Variants in CFAP299 observed in about 807,000 individuals in gnomAD.
CFAP299 encodes the protein cilia and flagella associated protein 299, also known as cilia- and flagella-associated protein 299.
Under a neutral mutation model 27.0 loss-of-function variants are expected in CFAP299, and 21 were observed. The observed-to-expected ratio is 0.78, with a 90% CI of 0.55 to 1.12. The LOEUF is 1.12. Among genes scored for constraint, CFAP299 ranks in the 50% most tolerant of loss-of-function variants. The pLI is 0.00. For missense variants in CFAP299, 310 were observed against 276.6 expected, an observed-to-expected ratio of 1.12 and a Z score of -0.86; for synonymous variants, 104 against 98.1, an observed-to-expected ratio of 1.06 and a Z score of -0.36.
intron 3 of CFAP299, among the ~76,000 whole-genome samples, chr4:80,603,275 A>T (rs1309637385): frequency 6.6e-6 from 1 of 152,210 alleles, no homozygotes; most frequent in Non-Finnish European, 1.5e-5. Flanking sequence ...CAGAAGGATG[A>T]ATGGATGTGA....
chr4:80,841,085 A>G (rs1730838593), intron 3 of CFAP299, among the ~76,000 whole-genome samples: 1 of 152,174 alleles, frequency 6.6e-6, no homozygotes, highest in Non-Finnish European at 1.5e-5. Context: ...CATTAAAGGT[A>G]GAAATAATCT....
At chr4:80,409,211 T>C (rs910365458) in intron 2 of CFAP299, among the ~76,000 whole-genome samples, 3 of 152,110 alleles carry the variant, frequency 2.0e-5, no homozygotes, top group Admixed American at 6.5e-5. Flanking sequence ...GTTCCAAATA[T>C]TATTATTTAT....
intron 2 of CFAP299, among the ~76,000 whole-genome samples, chr4:80,471,583 T>TG (rs540270360): frequency 4.6e-5 from 1 of 21,722 alleles, no homozygotes; most frequent in African/African-American, 2.3e-4. Context: ...GGGGTGGGGG[T>TG]GGGGGGGAGC....
chr4:80,447,144 T>G (rs1440229645), intron 2 of CFAP299, among the ~76,000 whole-genome samples: 23 of 136,828 alleles, frequency 1.7e-4, no homozygotes, highest in South Asian at 1.0e-3. Flanking sequence ...TTTTTTTTTT[T>G]TTTTTTTTTG....
intron 3 of CFAP299, among the ~76,000 whole-genome samples, chr4:80,710,483 C>CTTTTTCT (rs1722081747): frequency 1.1e-5 from 1 of 95,068 alleles, no homozygotes; most frequent in Non-Finnish European, 2.2e-5. Context: ...TTTTCTTTTT[C>CTTTTTCT]TTTTTTTTTT....
chr4:80,640,406 T>A (rs929289016), intron 3 of CFAP299, among the ~76,000 whole-genome samples: 2 of 152,188 alleles, frequency 1.3e-5, no homozygotes, highest in African/African-American at 4.8e-5. Flanking sequence ...TTCCTCTTAA[T>A]AAGCCACCTG....
intron 1 of CFAP299, among the ~76,000 whole-genome samples, chr4:80,356,777 G>A (rs1560527685): frequency 6.6e-6 from 1 of 152,030 alleles, no homozygotes; most frequent in Non-Finnish European, 1.5e-5. Flanking sequence ...CATATAATCT[G>A]CAAATAAAGA....
intron 3 of CFAP299, among the ~76,000 whole-genome samples, chr4:80,714,313 A>G (rs1202875774): frequency 6.6e-6 from 1 of 152,126 alleles, no homozygotes; most frequent in East Asian, 1.9e-4. Flanking sequence ...AAACAGTCAT[A>G]TGAGATGATG....
chr4:80,562,109 G>A (rs905000247), intron 2 of CFAP299, among the ~76,000 whole-genome samples: 5 of 151,968 alleles, frequency 3.3e-5, no homozygotes, highest in African/African-American at 7.2e-5. Context: ...GTATTTGCAA[G>A]CCTCATAGTA....
At chr4:80,800,388 A>G (rs1397586168) in intron 3 of CFAP299, among the ~76,000 whole-genome samples, 1 of 58,772 alleles carries the variant, frequency 1.7e-5, no homozygotes, top group Non-Finnish European at 2.6e-5. Context: ...AATATATAAT[A>G]TATTAATATA....
chr4:80,447,119 GTTTTTTTTTTGTTTTTTTT>G (rs1443392149), intron 2 of CFAP299, among the ~76,000 whole-genome samples: 1 of 65,508 alleles, frequency 1.5e-5, no homozygotes. Flanking sequence ...CTTTTTATTT[GTTTTTTTTTTGTTTTTTTT>G]TTTTTTTTTT....
intron 3 of CFAP299, among the ~76,000 whole-genome samples, chr4:80,636,166 G>T (rs1739458259): frequency 6.6e-6 from 1 of 152,080 alleles, no homozygotes; most frequent in Non-Finnish European, 1.5e-5. Context: ...TCCTTCTTTA[G>T]AAGTACAGAC....
chr4:80,958,497 A>G (rs981516923), intron 5 of CFAP299, among the ~76,000 whole-genome samples: 1 of 152,122 alleles, frequency 6.6e-6, no homozygotes, highest in Non-Finnish European at 1.5e-5. Context: ...ATCACATGTC[A>G]TTTTCAAATG....
At chr4:80,423,415 G>C (rs1193274548) in intron 2 of CFAP299, among the ~76,000 whole-genome samples, 2 of 152,186 alleles carry the variant, frequency 1.3e-5, no homozygotes, top group Admixed American at 6.5e-5. Flanking sequence ...AAAAATATAA[G>C]ATGTCCAGCT....
At chr4:80,649,487 A>G (rs1259134751) in intron 3 of CFAP299, among the ~76,000 whole-genome samples, 1 of 152,158 alleles carries the variant, frequency 6.6e-6, no homozygotes, top group Non-Finnish European at 1.5e-5. Flanking sequence ...GCAATGCAAA[A>G]TAACTCATGA....
chr4:80,665,177 A>G (rs1234748832), intron 3 of CFAP299, among the ~76,000 whole-genome samples: 2 of 152,160 alleles, frequency 1.3e-5, no homozygotes, highest in African/African-American at 2.4e-5. Context: ...CTATTTGGCC[A>G]TCTTGCCAGC....
intron 3 of CFAP299, among the ~76,000 whole-genome samples, chr4:80,656,341 C>T (rs1740552738): frequency 6.6e-6 from 1 of 152,060 alleles, no homozygotes; most frequent in African/African-American, 2.4e-5. Flanking sequence ...CCATCATCTA[C>T]ACTAGGTATT....
chr4:80,430,906 T>A (rs1727780944), intron 2 of CFAP299, among the ~76,000 whole-genome samples: 1 of 152,224 alleles, frequency 6.6e-6, no homozygotes, highest in Non-Finnish European at 1.5e-5. Flanking sequence ...CCAGATGTTG[T>A]CCAACACCAG....
At chr4:80,321,705 A>G in the CFAP299 span, among the ~76,000 whole-genome samples, 8 of 152,202 alleles carry the variant, frequency 5.3e-5, no homozygotes, top group Non-Finnish European at 1.2e-4. Flanking sequence ...CTTAGATCCA[A>G]TACAAAATCC....
Sources: gnomAD v4.1 joint callset for allele counts (sites outside exome capture counted in the v4.1 genomes callset) on GRCh38, gnomAD v4.1.1 for gene constraint, MANE v1.5 for transcripts, NCBI Gene and HGNC (gene_info 2026-07-23, HGNC 2026-07-21) for gene names.